TEAD2: variants seen among roughly 807,000 people sequenced by gnomAD.
The protein encoded by TEAD2 is transcriptional enhancer factor TEF-4.
A neutral mutation model predicts 61.4 loss-of-function variants in TEAD2; 51 were observed. That is an observed-to-expected ratio of 0.83 (90% CI 0.66 to 1.05). The LOEUF is 1.05. Among genes scored for constraint, TEAD2 ranks in the 50% least tolerant of loss-of-function variants. The probability of loss-of-function intolerance (pLI) is 0.00; values close to 1 mark genes in which losing one functional copy is unlikely to be tolerated. For synonymous variants in TEAD2, 244 were observed against 243.2 expected (o/e 1.00, Z -0.03); for missense variants, 509 against 600.0 (o/e 0.85, Z 1.58).
chr19:49,351,867 TC>T (rs1358083542), intron 7 of TEAD2, among the ~76,000 whole-genome samples: 1 of 151,880 alleles, frequency 6.6e-6, no homozygotes, highest in African/African-American at 2.4e-5. Flanking sequence ...GCGCCTGTAA[TC>T]CGAGCTATTC....
At chr19:49,360,871 G>A (rs1972824337) in intron 1 of TEAD2, among the ~76,000 whole-genome samples, 1 of 138,586 alleles carries the variant, frequency 7.2e-6, no homozygotes, top group Non-Finnish European at 1.6e-5. Flanking sequence ...GACCAGTGAG[G>A]TGGGGATAGA....
In TEAD2 at chr19:49,341,308, GT is replaced by G. The variant is rs750115618; in HGVS notation, c.*15del. 1 of 1,611,026 alleles carries G rather than the reference GT, an allele frequency of 6.2e-7. No individual in the cohort carries two copies. Among genetic ancestry groups the G allele is most frequent in the Non-Finnish European group, 8.5e-7 (1 of 1,177,554 alleles). ...GGAGGGTGTTCTGGGGGGTGAGCCA[GT>G]TTTGGGGTCCCCCTTCAGTCCCTGA... On this transcript the variant is annotated 3_prime_UTR_variant, in exon 13 of 13. Coordinates refer to ENST00000593945, the MANE Select transcript of TEAD2 (RefSeq NM_001256660.2). The surrounding 1 kb of genome is among the most constrained non-coding windows in gnomAD (Gnocchi z 4.2).
At chr19:49,345,617 G>C (rs1022374211) in intron 10 of TEAD2, among the ~76,000 whole-genome samples, 30 of 152,170 alleles carry the variant, frequency 2.0e-4, no homozygotes, top group African/African-American at 7.2e-4. Context: ...GCTTCCCAAA[G>C]TGCTGGGAAG....
At chr19:49,361,159 G>A (rs112186181) in intron 1 of TEAD2, among the ~76,000 whole-genome samples, 22,113 of 99,686 alleles carry the variant, frequency 0.22, 3,113 homozygotes, top group African/African-American at 0.25. Context: ...AGAGACCGGG[G>A]GGGGGGGACA....
At chr19:49,345,714 C>T (rs749311890) in intron 10 of TEAD2, among the ~76,000 whole-genome samples, 1 of 152,034 alleles carries the variant, frequency 6.6e-6, no homozygotes, top group Non-Finnish European at 1.5e-5. Flanking sequence ...AACTAGCACC[C>T]CCTAAACATC....
chr19:49,348,102 A>G (rs1160927232), intron 9 of TEAD2, among the ~76,000 whole-genome samples: 1 of 152,184 alleles, frequency 6.6e-6, no homozygotes, highest in African/African-American at 2.4e-5. Context: ...CAGAGACTCC[A>G]TCAGCAGATT....
intron 12 of TEAD2, 35 bp downstream of exon 12, chr19:49,342,402 TG>T: frequency 5.0e-6 from 8 of 1,607,114 alleles, no homozygotes; most frequent in Non-Finnish European, 5.1e-6. Flanking sequence ...CCCTCCACAC[TG>T]GGGGGCCCCA....
chr19:49,344,162 G>C (rs1277818496), intron 10 of TEAD2, among the ~76,000 whole-genome samples: 1 of 151,442 alleles, frequency 6.6e-6, no homozygotes, highest in African/African-American at 2.4e-5. Context: ...AGTTCTCCAA[G>C]GGCTGGTTTC....
rs1971223182 is a variant in TEAD2 at position 49,340,976 on chromosome 19, T to G, written c.*348A>C. 5 of 213,992 alleles carry G rather than the reference T, an allele frequency of 2.3e-5. No homozygotes were observed. The highest frequency in any genetic ancestry group is 2.8e-5 in the Non-Finnish European group (3 of 106,444). The allele number at this position is 213,992 out of a possible 1,614,324, so 13.3% of individuals were successfully genotyped here. A position where few individuals can be genotyped will look rare whatever the true frequency, so the allele number is the denominator to read the frequency against. ...GCGCTCTCCAAGACATGCAGAGGAG[T>G]GGGGGTGGCCTGTCAGGGGCTGAAA... On this transcript the variant is annotated 3_prime_UTR_variant, in exon 13 of 13. Coordinates refer to ENST00000593945, the MANE Select transcript of TEAD2 (RefSeq NM_001256660.2).
intron 8 of TEAD2, among the ~76,000 whole-genome samples, chr19:49,349,555 T>C (rs1248628550): frequency 1.3e-5 from 2 of 151,768 alleles, no homozygotes; most frequent in African/African-American, 4.9e-5. Context: ...ATGAATGTCT[T>C]GGTGCCTTCC....
At position 49,355,989 on chromosome 19, in the gene TEAD2, G is replaced by A. The variant is rs1331015400; in HGVS notation, c.361-19C>T. The A allele has an allele frequency of 3.2e-6, 4 of 1,254,720 alleles. No homozygotes were observed. The African/African-American group carries it at 6.2e-5, about 19-fold the overall frequency. 77.7% of individuals were successfully genotyped at this position (1,254,720 alleles called of 1,614,324 possible). ...TCAGAGCCTGCCCGTGGGGGTGGGG[G>A]AGGGTGCCAAAGGAGGAAAGAAAAC... On this transcript the variant is annotated intron_variant, in intron 4 of 12. Coordinates refer to ENST00000593945, the MANE Select transcript of TEAD2 (RefSeq NM_001256660.2).
At chr19:49,347,628 C>T (rs1369665253) in intron 9 of TEAD2, among the ~76,000 whole-genome samples, 1 of 152,134 alleles carries the variant, frequency 6.6e-6, no homozygotes, top group Non-Finnish European at 1.5e-5. Flanking sequence ...TCACCTCAGG[C>T]CTCCCACCCT....
intron 7 of TEAD2, among the ~76,000 whole-genome samples, chr19:49,354,167 A>G (rs1173276391): frequency 6.7e-6 from 1 of 149,708 alleles, no homozygotes; most frequent in Admixed American, 6.6e-5. Context: ...ACACTACCCA[A>G]CCAATGCCTA....
intron 10 of TEAD2, among the ~76,000 whole-genome samples, chr19:49,344,606 C>T (rs746742527): frequency 6.2e-4 from 95 of 152,152 alleles, no homozygotes; most frequent in South Asian, 1.7e-3. Flanking sequence ...CCTTGAAGCC[C>T]GCAACTCAAG....
At chr19:49,343,480 C>G in intron 10 of TEAD2, 82 bp from the exon 11 acceptor site, 2 of 1,472,808 alleles carry the variant, frequency 1.4e-6, no homozygotes, top group South Asian at 1.4e-5. Context: ...TGGTTCACAC[C>G]TGTAATCCCA....
intron 1 of TEAD2, among the ~76,000 whole-genome samples, chr19:49,360,794 C>T (rs112770107): frequency 0.32 from 15,995 of 49,338 alleles, 2,450 homozygotes; most frequent in African/African-American, 0.35. Flanking sequence ...GGACAGAGAC[C>T]AGCAAGGGGG....
Position 49,340,879 on chromosome 19 carries a change from T to G in TEAD2, c.*445A>C. On this transcript the variant is annotated 3_prime_UTR_variant, in exon 13 of 13. Transcript: ENST00000593945. ...CTCACAGGTCATGGAGTGAGGGTGG[T>G]AGAGAGGGGCAGAAATTTCAGGGGG... 5.2e-6 allele frequency: 1 copy of G among 190,620 alleles called. No homozygotes were observed. The highest frequency in any genetic ancestry group is 1.1e-5 in the Non-Finnish European group (1 of 91,944). The allele number at this position is 190,620 out of a possible 1,614,324, so 11.8% of individuals were successfully genotyped here. A position where few individuals can be genotyped will look rare whatever the true frequency, so the allele number is the denominator to read the frequency against.
Position 49,357,479 on chromosome 19 carries a change from A to T in TEAD2, c.298-165T>A, listed in dbSNP as rs1972484940. The T allele has an allele frequency of 4.1e-6, 3 of 731,704 alleles. 1 individual carries two copies. In the Middle Eastern group the frequency reaches 7.1e-4, roughly 172 times the overall value. The allele number at this position is 731,704 out of a possible 1,614,324, so 45.3% of individuals were successfully genotyped here. On this transcript the variant is annotated intron_variant, in intron 3 of 12. Transcript: ENST00000593945. ...GGAGCACCCGAACACAGATGTCCAT[A>T]AAGGAGCTCGTGAACACCACGGACC...
At position 49,350,523 on chromosome 19, in the gene TEAD2, G is replaced by A. The variant is rs999249000; in HGVS notation, c.604+778C>T. On this transcript the variant is annotated intron_variant, in intron 8 of 12. Transcript: ENST00000593945. ...GTATTTTTTAGTAGAGGTTGGGGGG[G>A]GTGGTTTCGCCATGTTGGCCAGGTT... Among the ~76,000 whole-genome samples the A allele has an allele frequency of 1.2e-4, 18 of 151,836 alleles. No homozygotes were observed. In the South Asian group the frequency reaches 1.2e-3, roughly 11 times the overall value.
Sources: gnomAD v4.1 joint callset for allele counts (sites outside exome capture counted in the v4.1 genomes callset) on GRCh38, gnomAD v4.1.1 for gene constraint, Gnocchi (gnomAD v3.1) non-coding constraint, MANE v1.5 for transcripts, NCBI Gene and HGNC (gene_info 2026-07-23, HGNC 2026-07-21) for gene names.